The following TECPR1 variants were observed in gnomAD, a reference collection of about 807,000 sequenced individuals.
TECPR1 encodes the protein tectonin beta-propeller repeat-containing protein 1.
A neutral mutation model predicts 162.4 loss-of-function variants in TECPR1; 122 were observed. The ratio of observed to expected loss-of-function variants is 0.75; its 90% confidence interval spans 0.65 to 0.87. The LOEUF is 0.87. Ranked by LOEUF, TECPR1 falls within the 40% of genes least tolerant of loss-of-function variation. TECPR1 has a pLI of 0.00. For missense variants in TECPR1, 1,432 were observed against 1,618.2 expected, an observed-to-expected ratio of 0.88 and a Z score of 1.97; for synonymous variants, 642 against 670.6, an observed-to-expected ratio of 0.96 and a Z score of 0.66.
intron 21 of TECPR1, 111 bp from the exon 22 acceptor site, chr7:98,222,632 G>A (rs1798171382): frequency 2.3e-6 from 3 of 1,318,624 alleles, no homozygotes; most frequent in Admixed American, 2.5e-5. Context: ...GGTGGCTGGG[G>A]GACAGCCGGG....
chr7:98,238,782 T>C (rs1235041184), intron 8 of TECPR1, among the ~76,000 whole-genome samples, 172 bp from the exon 9 acceptor site: 1 of 152,194 alleles, frequency 6.6e-6, no homozygotes, highest in East Asian at 1.9e-4. Context: ...CACGCCGCTC[T>C]TCCCACACCC....
intron 15 of TECPR1, among the ~76,000 whole-genome samples, chr7:98,229,687 G>A (rs936941765): frequency 1.2e-4 from 19 of 152,170 alleles, no homozygotes; most frequent in Non-Finnish European, 2.2e-4. Context: ...TGCAGGCTGC[G>A]GCTGGTGCAG....
At chr7:98,242,087 C>T (rs758167449) in intron 6 of TECPR1, among the ~76,000 whole-genome samples, 8 of 152,216 alleles carry the variant, frequency 5.3e-5, no homozygotes, top group Non-Finnish European at 8.8e-5. Flanking sequence ...CTGCCCGGCC[C>T]CTCGCCACCG....
chr7:98,224,911 C>T (rs1324766580), intron 18 of TECPR1, 31 bp from the exon 19 acceptor site: 3 of 1,552,218 alleles, frequency 1.9e-6, no homozygotes, highest in Admixed American at 3.9e-5. Context: ...AGGATGGGAC[C>T]CCCCGAATCC....
intron 2 of TECPR1, among the ~76,000 whole-genome samples, chr7:98,247,945 T>C (rs1798954861): frequency 6.6e-6 from 1 of 152,020 alleles, no homozygotes; most frequent in African/African-American, 2.4e-5. Flanking sequence ...AGGCTGGTCT[T>C]GAACTCCTGG....
chr7:98,228,180 C>T lies in TECPR1; in HGVS notation c.2411-64G>A, dbSNP rs557239982. 173 of 1,284,448 alleles carry T rather than the reference C, an allele frequency of 1.3e-4. 1 individual carries two copies. The South Asian group carries it at 1.4e-3, about 10-fold the overall frequency. The allele number at this position is 1,284,448 out of a possible 1,614,324, so 79.6% of individuals were successfully genotyped here. A position where few individuals can be genotyped will look rare whatever the true frequency, so the allele number is the denominator to read the frequency against. On this transcript the variant is annotated intron_variant, in intron 16 of 25. Coordinates refer to ENST00000447648, the MANE Select transcript of TECPR1 (RefSeq NM_015395.3). ...CGCTCCGCTTGGGACTCTGGCTTTC[C>T]GTCTGAAGCACAGATTCCCAGAGAG...
Position 98,222,396 on chromosome 7 carries a change from C to A in TECPR1, c.3054G>T (p.Ser1018=), listed in dbSNP as rs1237301443. Reference sequence around the variant, plus strand: ...GGGCGCGGCACTCACCGGCTGGCTGCGAGGGGTACACGGATCCCCGGTAGA... The same window carrying A: ...GGGCGCGGCACTCACCGGCTGGCTGAGAGGGGTACACGGATCCCCGGTAGA... The part of the protein sequence containing the change: ...SAFYRGSVYP[S]QPAGDCWYHI... The change falls in exon 22 of 26, where the codon TCG becomes TCT. Residue 1018 remains serine (S), a synonymous_variant. Transcript: ENST00000447648. The A allele has an allele frequency of 3.1e-6, 5 of 1,601,958 alleles. No homozygotes were observed. Among genetic ancestry groups the A allele is most frequent in the African/African-American group, 2.7e-5 (2 of 74,754 alleles).
chr7:98,218,384 G>C (rs1479968990), intron 23 of TECPR1, among the ~76,000 whole-genome samples: 2 of 152,230 alleles, frequency 1.3e-5, no homozygotes, highest in Non-Finnish European at 2.9e-5. Flanking sequence ...AATCAGGCAA[G>C]AGAAAGAAAG....
chr7:98,238,165 C>T (rs568473965), intron 9 of TECPR1, among the ~76,000 whole-genome samples: 139 of 152,314 alleles, frequency 9.1e-4, no homozygotes, highest in African/African-American at 3.2e-3. Context: ...CTACTCTCTG[C>T]CTTTGGGCAA....
chr7:98,250,452 A>T (rs1048247816), intron 2 of TECPR1, among the ~76,000 whole-genome samples: 2 of 151,584 alleles, frequency 1.3e-5, no homozygotes, highest in Non-Finnish European at 2.9e-5. Context: ...ACACAGGGAG[A>T]CCCCATCTCT....
In TECPR1 at chr7:98,221,683, C is replaced by T. The variant is rs370674841; in HGVS notation, c.3135G>A (p.Ser1045=). The T allele has an allele frequency of 1.9e-5, 31 of 1,612,940 alleles. No homozygotes were observed. Among genetic ancestry groups the T allele is most frequent in the African/African-American group, 1.6e-4 (12 of 74,834 alleles). The part of the protein sequence containing the change: ...RLKQVSAGQT[S]VYALDENGNL... ...TGCCATTCTCATCCAGGGCATACAC[C>T]GACGTCTGCCCCGCGGACACCTGCT... The change falls in exon 23 of 26, where the codon TCG becomes TCA. Residue 1045 remains serine, a synonymous_variant. Coordinates refer to ENST00000447648, the MANE Select transcript of TECPR1 (RefSeq NM_015395.3).
chr7:98,246,810 T>C (rs1016597435), intron 2 of TECPR1, among the ~76,000 whole-genome samples: 3 of 151,616 alleles, frequency 2.0e-5, no homozygotes, highest in African/African-American at 7.3e-5. Flanking sequence ...CTCGAACTCC[T>C]GACCTCAGGT....
Position 98,245,002 on chromosome 7 carries a change from G to T in TECPR1, c.291C>A (p.Asp97Glu). The change falls in exon 4 of 26, where the codon GAC becomes GAA. Residue 97 changes from aspartate to glutamate, a missense_variant. Physicochemically the swap from Asp to Glu is conservative, Grantham distance 45 (BLOSUM62 2). Coordinates refer to ENST00000447648, the MANE Select transcript of TECPR1 (RefSeq NM_015395.3). ...GCGGCCGGTGCTGGAGCCCACTCAC[G>T]TCACTCCACCCCCAGCGGTCACTCA... ...LLLSDRWGWS[D>E]VSGLQHRPLD... 3 of 1,610,860 alleles carry T rather than the reference G, an allele frequency of 1.9e-6. No individual in the cohort carries two copies. The highest frequency in any genetic ancestry group is 2.5e-6 in the Non-Finnish European group (3 of 1,179,020).
chr7:98,250,022 A>T (rs1026906125), intron 2 of TECPR1, among the ~76,000 whole-genome samples: 6 of 152,296 alleles, frequency 3.9e-5, no homozygotes, highest in African/African-American at 1.4e-4. Flanking sequence ...TTGAAACAAC[A>T]TTTAAGGATA....
At chr7:98,227,075 A>C (rs1798295037) in intron 17 of TECPR1, among the ~76,000 whole-genome samples, 1 of 152,172 alleles carries the variant, frequency 6.6e-6, no homozygotes, top group Non-Finnish European at 1.5e-5. Context: ...AATACCGTCT[A>C]ATAAAAGATG....
In TECPR1 at chr7:98,221,654, A is replaced by C. The variant is rs778677008; in HGVS notation, c.3157+7T>G. 1.7e-5 allele frequency: 28 copies of C among 1,612,404 alleles called. 1 individual carries two copies. Among genetic ancestry groups the C allele is most frequent in the Middle Eastern group, 1.6e-4 (1 of 6,082 alleles). ...AACATTAAAAATTTAAAAAAAGAGC[A>C]ACTTGCCATTCTCATCCAGGGCATA... On this transcript the variant is annotated splice_region_variant and intron_variant, in intron 23 of 25. Coordinates refer to ENST00000447648, the MANE Select transcript of TECPR1 (RefSeq NM_015395.3).
chr7:98,247,130 C>T (rs1369533308), intron 2 of TECPR1, among the ~76,000 whole-genome samples: 2 of 151,172 alleles, frequency 1.3e-5, no homozygotes, highest in African/African-American at 4.9e-5. Flanking sequence ...AGAGGGAGAC[C>T]CTGTCTCAAA....
intron 9 of TECPR1, among the ~76,000 whole-genome samples, chr7:98,238,094 G>A (rs1798645391): frequency 6.6e-6 from 1 of 151,846 alleles, no homozygotes; most frequent in African/African-American, 2.4e-5. Context: ...TTTTTAAGAT[G>A]TAAAGTAACT....
At position 98,235,848 on chromosome 7, in the gene TECPR1, A is replaced by T. The variant is rs1182665301; in HGVS notation, c.1181+928T>A. Among the ~76,000 whole-genome samples, 2 of 139,964 alleles carry T rather than the reference A, an allele frequency of 1.4e-5. 1 individual carries two copies. Among genetic ancestry groups the T allele is most frequent in the Non-Finnish European group, 3.2e-5 (2 of 63,158 alleles). The allele number at this position is 139,964 out of a possible 152,430, so 91.8% of individuals were successfully genotyped here. On this transcript the variant is annotated intron_variant, in intron 10 of 25. Transcript: ENST00000447648. Reference sequence around the variant, plus strand: ...GTCTCAAAAAAAAAAAAAAAAAAAAAAAACACCATCTGAGCAGACTAAACC... The same window carrying T: ...GTCTCAAAAAAAAAAAAAAAAAAAATAAACACCATCTGAGCAGACTAAACC...
Sources: allele counts gnomAD v4.1 joint callset (sites outside exome capture counted in the v4.1 genomes callset), GRCh38; gene constraint gnomAD v4.1.1; transcripts MANE v1.5; gene names NCBI Gene and HGNC (gene_info 2026-07-23, HGNC 2026-07-21).